NEDD4L: variants seen among roughly 807,000 people sequenced by gnomAD.
NEDD4L encodes the protein E3 ubiquitin-protein ligase NEDD4-like.
A neutral mutation model predicts 148.9 loss-of-function variants in NEDD4L; 54 were observed. The ratio of observed to expected loss-of-function variants is 0.36; its 90% CI spans 0.29 to 0.45. NEDD4L has a LOEUF of 0.45. Ranked by LOEUF, NEDD4L falls within the 20% of genes least tolerant of loss-of-function variation. NEDD4L has a pLI of 1.00. For synonymous variants in NEDD4L, 433 were observed against 440.7 expected, an observed-to-expected ratio of 0.98 and a Z score of 0.22; for missense variants, 856 against 1,233.8, an observed-to-expected ratio of 0.69 and a Z score of 4.59.
chr18:58,165,930 C>T (rs991916567), intron 2 of NEDD4L, 69 bp downstream of exon 2: 69 of 1,295,068 alleles, frequency 5.3e-5, no homozygotes, highest in African/African-American at 1.8e-4. Flanking sequence ...AATTCAGGCA[C>T]GCATCAGAAT....
chr18:58,082,070 TTTCTGATGAATATATATATATATATA>T (rs2083459853), intron 1 of NEDD4L, among the ~76,000 whole-genome samples: 1 of 139,030 alleles, frequency 7.2e-6, no homozygotes, highest in African/African-American at 2.9e-5. Flanking sequence ...TTCTAATTGC[TTTCTGATGAATATATATATATATATA>T]TATATATTTT....
chr18:58,173,854 G>T (rs187667663), intron 2 of NEDD4L, among the ~76,000 whole-genome samples: 162 of 152,270 alleles, frequency 1.1e-3, no homozygotes, highest in African/African-American at 3.8e-3. Context: ...TTTACAGCTG[G>T]ACTGTTTAAA....
chr18:58,364,143 G>A (rs914406279), intron 19 of NEDD4L, 125 bp from the exon 20 acceptor site: 5 of 674,792 alleles, frequency 7.4e-6, no homozygotes, highest in African/African-American at 1.8e-5. Flanking sequence ...ATTTTTCCAT[G>A]GATAATCTGA....
chr18:58,373,085 GAA>G lies in NEDD4L; in HGVS notation c.2257-88_2257-87del, dbSNP rs2047110099. 4 of 742,966 alleles carry G rather than the reference GAA, an allele frequency of 5.4e-6. No individual in the cohort carries two copies. The East Asian group carries it at 1.1e-4, about 20-fold the overall frequency. The allele number at this position is 742,966 out of a possible 1,614,324, so 46.0% of individuals were successfully genotyped here. A position where few individuals can be genotyped will look rare whatever the true frequency, so the allele number is the denominator to read the frequency against. ...ACATATTTCTTGAGCATTCTGCACA[GAA>G]TTACATTAGAATGTAATTAAAGAAG... is the stretch of plus-strand genomic sequence containing the variant. On this transcript the variant is annotated intron_variant, in intron 23 of 30. Coordinates refer to ENST00000400345, the MANE Select transcript of NEDD4L (RefSeq NM_001144967.3).
At chr18:58,210,785 AAAAAAT>A (rs2042529982) in intron 2 of NEDD4L, among the ~76,000 whole-genome samples, 1 of 152,216 alleles carries the variant, frequency 6.6e-6, no homozygotes, top group Admixed American at 6.5e-5. Flanking sequence ...TGATGAATTA[AAAAAAT>A]AAAAATAAAG....
intron 5 of NEDD4L, among the ~76,000 whole-genome samples, chr18:58,262,839 C>T (rs1285350469): frequency 2.0e-5 from 3 of 152,144 alleles, no homozygotes; most frequent in Non-Finnish European, 4.4e-5. Flanking sequence ...CCCTGATGTC[C>T]TGGCTGGTTT....
intron 2 of NEDD4L, among the ~76,000 whole-genome samples, chr18:58,241,880 A>G (rs1171063181): frequency 6.6e-6 from 1 of 152,038 alleles, no homozygotes; most frequent in East Asian, 1.9e-4. Flanking sequence ...AGAGAAAACA[A>G]AAAGTTTGCA....
chr18:58,319,090 A>C (rs2058547217), intron 6 of NEDD4L, among the ~76,000 whole-genome samples: 1 of 152,216 alleles, frequency 6.6e-6, no homozygotes, highest in Non-Finnish European at 1.5e-5. Flanking sequence ...GGCTGGTAGC[A>C]GGTAGCAGGC....
chr18:58,233,989 A>G (rs1435911454), intron 2 of NEDD4L, among the ~76,000 whole-genome samples: 6 of 151,934 alleles, frequency 3.9e-5, no homozygotes, highest in African/African-American at 1.5e-4. Context: ...TCCCCTGTTC[A>G]TAAGAACACC....
chr18:58,377,356 A>G (rs1471375866), intron 24 of NEDD4L, among the ~76,000 whole-genome samples: 2 of 152,208 alleles, frequency 1.3e-5, no homozygotes, highest in African/African-American at 2.4e-5. Context: ...ATGGGGTGAA[A>G]CAGACATGCA....
At chr18:58,377,592 G>C (rs748174319) in intron 24 of NEDD4L, among the ~76,000 whole-genome samples, 2 of 152,126 alleles carry the variant, frequency 1.3e-5, no homozygotes, top group Non-Finnish European at 2.9e-5. Context: ...CTATGATCCT[G>C]TGCCAAGCAG....
At chr18:58,315,284 A>T (rs2058138776) in intron 5 of NEDD4L, among the ~76,000 whole-genome samples, 1 of 152,100 alleles carries the variant, frequency 6.6e-6, no homozygotes, top group Admixed American at 6.6e-5. Context: ...ATGACTTCCC[A>T]GATGACTCCC....
intron 1 of NEDD4L, among the ~76,000 whole-genome samples, chr18:58,053,620 C>T (rs58280396): frequency 1.3e-5 from 2 of 152,138 alleles, no homozygotes; most frequent in African/African-American, 4.8e-5. Context: ...ACAATTTTTA[C>T]ATTCTAATTA....
At chr18:58,115,245 C>CTT (rs60541981) in intron 1 of NEDD4L, among the ~76,000 whole-genome samples, 2,995 of 129,494 alleles carry the variant, frequency 0.023, 140 homozygotes, top group African/African-American at 0.081. Flanking sequence ...TTCTTTCTTT[C>CTT]TTTTTTTTTT....
At chr18:58,070,422 C>T (rs112637326) in intron 1 of NEDD4L, among the ~76,000 whole-genome samples, 9 of 152,164 alleles carry the variant, frequency 5.9e-5, no homozygotes, top group African/African-American at 2.2e-4. Context: ...ATATGTGCCA[C>T]CATGCCCAGC....
chr18:58,309,157 C>T (rs1375802905), intron 5 of NEDD4L, among the ~76,000 whole-genome samples: 2 of 152,180 alleles, frequency 1.3e-5, no homozygotes, highest in African/African-American at 4.8e-5. Context: ...ATATGGGACC[C>T]TGAGGCCTGG....
At chr18:58,134,182 G>A (rs1005026877) in intron 1 of NEDD4L, among the ~76,000 whole-genome samples, 1 of 151,692 alleles carries the variant, frequency 6.6e-6, no homozygotes, top group African/African-American at 2.4e-5. Context: ...TGTATTTTTA[G>A]TAGAGACGGG....
intron 1 of NEDD4L, among the ~76,000 whole-genome samples, chr18:58,159,774 A>G (rs1036738317): frequency 1.3e-5 from 2 of 152,222 alleles, no homozygotes; most frequent in African/African-American, 4.8e-5. Context: ...TTTAATGCAG[A>G]GAGTGTTTAC....
At chr18:58,389,006 A>C in intron 27 of NEDD4L, 79 bp from the exon 28 acceptor site, 3 of 1,125,580 alleles carry the variant, frequency 2.7e-6, no homozygotes, top group East Asian at 2.4e-5. Context: ...ACATGCTGGC[A>C]CTGAGGGTGG....
Sources: gnomAD v4.1 joint callset for allele counts (sites outside exome capture counted in the v4.1 genomes callset) on GRCh38, gnomAD v4.1.1 for gene constraint, MANE v1.5 for transcripts, NCBI Gene and HGNC (gene_info 2026-07-23, HGNC 2026-07-21) for gene names.